SUPT3H: variants seen among roughly 807,000 people sequenced by gnomAD.
SUPT3H encodes SPT3 homolog, SAGA and STAGA complex component.
SUPT3H carries 44 observed loss-of-function variants against 44.3 expected under a neutral mutation model. That is an observed-to-expected ratio of 0.99 (90% confidence interval 0.78 to 1.28). The LOEUF is 1.28. Among genes scored for constraint, SUPT3H ranks in the 50% most tolerant of loss-of-function variants. The pLI is 0.00. For synonymous variants in SUPT3H, 124 were observed against 125.6 expected, an observed-to-expected ratio of 0.99 and a Z score of 0.09; for missense variants, 380 against 387.1, an observed-to-expected ratio of 0.98 and a Z score of 0.15.
chr6:45,038,050 CG>C (rs1477359794), intron 3 of SUPT3H, among the ~76,000 whole-genome samples: 3 of 152,094 alleles, frequency 2.0e-5, no homozygotes, highest in Admixed American at 1.3e-4. Flanking sequence ...TGAAATTATA[CG>C]TAAAATGTTG....
chr6:45,373,665 C>A (rs1796400053), intron 1 of SUPT3H, among the ~76,000 whole-genome samples: 1 of 152,154 alleles, frequency 6.6e-6, no homozygotes, highest in Non-Finnish European at 1.5e-5. Context: ...ATTCTCCTGC[C>A]TCAGCCTCCT....
Position 45,128,503 on chromosome 6 carries a change from C to CAAAAAAA in SUPT3H, c.102-22504_102-22498dup, listed in dbSNP as rs1168489460. Among the ~76,000 whole-genome samples the CAAAAAAA allele has an allele frequency of 8.0e-4, 10 of 12,462 alleles. 2 individuals carry two copies. Among genetic ancestry groups the CAAAAAAA allele is most frequent in the African/African-American group, 3.2e-3 (7 of 2,200 alleles). 8.2% of individuals were successfully genotyped at this position (12,462 alleles called of 152,430 possible). On this transcript the variant is annotated intron_variant, in intron 2 of 10. Coordinates refer to ENST00000371459, the MANE Select transcript of SUPT3H (RefSeq NM_003599.4). ...CTGGCAACAGAGCAAGACTCTGTCT[C>CAAAAAAA]AAAAAAAAAAAAAAAAAAAAAAAAA...
At chr6:45,065,435 G>A (rs1372900077) in intron 3 of SUPT3H, among the ~76,000 whole-genome samples, 492 of 126,482 alleles carry the variant, frequency 3.9e-3, no homozygotes, top group Admixed American at 4.5e-3. Flanking sequence ...TCAAAAGCTA[G>A]CAGAAGGCAA....
chr6:45,240,288 C>G (rs1322016863), intron 2 of SUPT3H, among the ~76,000 whole-genome samples: 3 of 152,170 alleles, frequency 2.0e-5, no homozygotes, highest in Admixed American at 2.0e-4. Flanking sequence ...GACAACCTGT[C>G]ACAACGAGTA....
chr6:44,884,454 C>T (rs1383355647), intron 10 of SUPT3H, among the ~76,000 whole-genome samples: 1 of 152,118 alleles, frequency 6.6e-6, no homozygotes, highest in Non-Finnish European at 1.5e-5. Flanking sequence ...GGCGATTCCT[C>T]CAGGATCTAG....
chr6:44,834,884 G>T lies in SUPT3H; in HGVS notation c.913-5027C>A, dbSNP rs112108442. On this transcript the variant is annotated intron_variant, in intron 10 of 10. Coordinates refer to ENST00000371459, the MANE Select transcript of SUPT3H (RefSeq NM_003599.4). The stretch of plus-strand genomic sequence containing the variant: ...AGTTGGCGGAGGGGCGGTTAGGGGA[G>T]GGGGAAGGAAGGAACACAACTTAAT... Among the ~76,000 whole-genome samples the T allele has an allele frequency of 9.0e-3, 1,365 of 152,230 alleles. 14 individuals carry two copies. The highest frequency in any genetic ancestry group is 0.027 in the South Asian group (128 of 4,820).
intron 2 of SUPT3H, among the ~76,000 whole-genome samples, chr6:45,296,557 G>A (rs1377165414): frequency 7.3e-5 from 11 of 151,544 alleles, no homozygotes; most frequent in Admixed American, 2.6e-4. Flanking sequence ...TGGCCAACAC[G>A]GTGAAACCCC....
intron 2 of SUPT3H, among the ~76,000 whole-genome samples, chr6:45,113,156 G>A (rs1347157432): frequency 2.0e-5 from 3 of 151,244 alleles, no homozygotes; most frequent in Admixed American, 2.0e-4. Context: ...TATAGACTAG[G>A]TATTACTATA....
chr6:45,071,669 C>A (rs1562396198), intron 3 of SUPT3H, among the ~76,000 whole-genome samples: 1 of 152,132 alleles, frequency 6.6e-6, no homozygotes, highest in Non-Finnish European at 1.5e-5. Flanking sequence ...GGACTAGAGT[C>A]CTACTGAGAA....
intron 2 of SUPT3H, among the ~76,000 whole-genome samples, chr6:45,220,716 G>C (rs1033314021): frequency 1.6e-4 from 25 of 152,140 alleles, no homozygotes; most frequent in African/African-American, 5.8e-4. Context: ...AAAAATAACA[G>C]AGTGAACCCT....
intron 10 of SUPT3H, among the ~76,000 whole-genome samples, chr6:44,884,089 G>A (rs958615963): frequency 4.6e-5 from 7 of 152,084 alleles, no homozygotes; most frequent in Non-Finnish European, 1.5e-5. Flanking sequence ...CAGAATGGGT[G>A]AAAATTTTTG....
chr6:45,375,449 T>C (rs1796644315), intron 1 of SUPT3H, among the ~76,000 whole-genome samples: 1 of 152,242 alleles, frequency 6.6e-6, no homozygotes, highest in Non-Finnish European at 1.5e-5. Flanking sequence ...CATTCTGATT[T>C]GTATATTATG....
intron 2 of SUPT3H, among the ~76,000 whole-genome samples, chr6:45,177,373 A>G (rs1812153042): frequency 6.6e-6 from 1 of 152,194 alleles, no homozygotes. Context: ...TAGAGAAAAA[A>G]GAATAAAAAG....
rs1799237196 is a variant in SUPT3H at position 45,106,126 on chromosome 6, T to A, written c.102-120A>T. ...AGAACATAAATTGTTTGCCCAAATGTCTGAATGGGTGTGCAATTTTCTTGG... is the reference window on the plus strand; with the variant it reads ...AGAACATAAATTGTTTGCCCAAATGACTGAATGGGTGTGCAATTTTCTTGG... On this transcript the variant is annotated intron_variant, in intron 2 of 10. Coordinates refer to ENST00000371459, the MANE Select transcript of SUPT3H (RefSeq NM_003599.4). 4.9e-6 allele frequency: 4 copies of A among 811,190 alleles called. No homozygotes were observed. The East Asian group carries it at 1.1e-4, about 22-fold the overall frequency. The allele number at this position is 811,190 out of a possible 1,614,324, so 50.2% of individuals were successfully genotyped here.
rs140555867 is a variant in SUPT3H at position 44,862,431 on chromosome 6, T to C, written c.913-32574A>G. On this transcript the variant is annotated intron_variant, in intron 10 of 10. Coordinates refer to ENST00000371459, the MANE Select transcript of SUPT3H (RefSeq NM_003599.4). ...GTGACACACACCTGTAATTCCAGCA[T>C]TTTCGGAGGCCGAGGTGAGCGGATC... 6.5e-3 allele frequency among the ~76,000 whole-genome samples: 990 copies of C among 151,996 alleles called. 12 individuals carry two copies. Among genetic ancestry groups the C allele is most frequent in the African/African-American group, 0.023 (935 of 41,454 alleles).
At chr6:44,853,180 A>G (rs185648146) in intron 10 of SUPT3H, among the ~76,000 whole-genome samples, 1 of 152,344 alleles carries the variant, frequency 6.6e-6, no homozygotes, top group East Asian at 1.9e-4. Context: ...TAACAATGCT[A>G]TTAGACAGGT....
At chr6:45,364,396 A>G (rs1794780601) in intron 2 of SUPT3H, among the ~76,000 whole-genome samples, 1 of 152,196 alleles carries the variant, frequency 6.6e-6, no homozygotes, top group Admixed American at 6.5e-5. Flanking sequence ...CACAAGAGGA[A>G]GACACTTAAA....
At chr6:45,056,621 G>A (rs1791171706) in intron 3 of SUPT3H, among the ~76,000 whole-genome samples, 1 of 152,170 alleles carries the variant, frequency 6.6e-6, no homozygotes, top group African/African-American at 2.4e-5. Flanking sequence ...AACATTGTAT[G>A]TTTTCACTTA....
intron 4 of SUPT3H, among the ~76,000 whole-genome samples, chr6:45,015,298 G>A (rs1784078073): frequency 6.6e-6 from 1 of 151,790 alleles, no homozygotes; most frequent in African/African-American, 2.4e-5. Context: ...GGTATGCAAG[G>A]GTAAGAAAAT....
Sources: allele counts gnomAD v4.1 joint callset (sites outside exome capture counted in the v4.1 genomes callset), GRCh38; gene constraint gnomAD v4.1.1; transcripts MANE v1.5; gene names NCBI Gene and HGNC (gene_info 2026-07-23, HGNC 2026-07-21).